NRXN1: variants seen among roughly 807,000 people sequenced by gnomAD.
NRXN1 encodes neurexin-1.
Under a neutral mutation model 150.9 loss-of-function variants are expected in NRXN1, and 39 were observed. That is an observed-to-expected ratio of 0.26 (90% CI 0.20 to 0.34). The LOEUF is 0.34. Ranked by LOEUF, NRXN1 falls within the 10% of genes least tolerant of loss-of-function variation. The pLI is 1.00. For synonymous variants in NRXN1, 924 were observed against 757.0 expected (o/e 1.22, Z -3.62); for missense variants, 1,815 against 1,949.9 (o/e 0.93, Z 1.30).
chr2:50,070,702 G>T (rs1032953720), intron 19 of NRXN1, among the ~76,000 whole-genome samples: 1 of 149,742 alleles, frequency 6.7e-6, no homozygotes, highest in East Asian at 2.0e-4. Context: ...CCCGGGAGGC[G>T]GAGCTTGCAG....
intron 2 of NRXN1, among the ~76,000 whole-genome samples, chr2:50,981,168 C>CAATATT (rs1696724824): frequency 6.6e-6 from 1 of 151,888 alleles, no homozygotes; most frequent in African/African-American, 2.4e-5. Flanking sequence ...TTATAAGAAA[C>CAATATT]ATAACTGTCT....
intron 5 of NRXN1, among the ~76,000 whole-genome samples, chr2:50,897,960 G>T (rs1033755631): frequency 5.3e-5 from 8 of 152,152 alleles, no homozygotes; most frequent in African/African-American, 1.9e-4. Flanking sequence ...TGATCAGAAT[G>T]GATTGAATAA....
At chr2:49,928,189 C>G (rs986322270) in intron 22 of NRXN1, among the ~76,000 whole-genome samples, 11 of 151,140 alleles carry the variant, frequency 7.3e-5, no homozygotes, top group Admixed American at 2.6e-4. Flanking sequence ...GATCATTAAA[C>G]TCCATAATGC....
At chr2:50,564,335 G>C (rs1669541817) in intron 8 of NRXN1, among the ~76,000 whole-genome samples, 1 of 152,096 alleles carries the variant, frequency 6.6e-6, no homozygotes. Context: ...ATGGGTAAGA[G>C]GGGAGTGTTC....
chr2:50,522,287 T>A (rs2092809670), intron 12 of NRXN1, among the ~76,000 whole-genome samples: 1 of 152,200 alleles, frequency 6.6e-6, no homozygotes, highest in South Asian at 2.1e-4. Context: ...TCTAAAACTT[T>A]CTTGGATTTT....
intron 18 of NRXN1, among the ~76,000 whole-genome samples, chr2:50,115,649 G>GA (rs555292769): frequency 1.3e-5 from 2 of 151,380 alleles, no homozygotes; most frequent in Non-Finnish European, 3.0e-5. Context: ...CTTGGGAAAA[G>GA]AAAAAAAATA....
chr2:50,655,374 G>A (rs1686273826), intron 5 of NRXN1, among the ~76,000 whole-genome samples: 1 of 151,846 alleles, frequency 6.6e-6, no homozygotes, highest in South Asian at 2.1e-4. Context: ...ATTGCTTCTG[G>A]AACCCAGATT....
At chr2:50,166,842 C>T (rs974936664) in intron 18 of NRXN1, among the ~76,000 whole-genome samples, 15 of 151,948 alleles carry the variant, frequency 9.9e-5, no homozygotes, top group Non-Finnish European at 1.5e-4. Context: ...AGGCTAATCA[C>T]AACTAGGATT....
intron 21 of NRXN1, among the ~76,000 whole-genome samples, chr2:49,960,667 C>A (rs1369857177): frequency 6.6e-6 from 1 of 152,150 alleles, no homozygotes; most frequent in African/African-American, 2.4e-5. Context: ...AGTGAAAGCA[C>A]ACAATCCAGT....
At chr2:50,719,711 A>C (rs1274045345) in intron 5 of NRXN1, among the ~76,000 whole-genome samples, 4 of 152,088 alleles carry the variant, frequency 2.6e-5, no homozygotes, top group African/African-American at 7.2e-5. Context: ...CAATAACAAC[A>C]ATCATTTTTC....
At chr2:50,345,519 A>C (rs1260438847) in intron 17 of NRXN1, among the ~76,000 whole-genome samples, 1 of 152,236 alleles carries the variant, frequency 6.6e-6, no homozygotes, top group African/African-American at 2.4e-5. Flanking sequence ...AGTGCCCACA[A>C]CTTTCACTCT....
At chr2:50,497,898 C>T (rs1216768954) in intron 13 of NRXN1, among the ~76,000 whole-genome samples, 184 bp from the exon 14 acceptor site, 1 of 152,128 alleles carries the variant, frequency 6.6e-6, no homozygotes, top group Non-Finnish European at 1.5e-5. Context: ...ATAAAACATT[C>T]TTAGGCCAGG....
chr2:50,854,170 CT>C (rs1236404617), intron 5 of NRXN1, among the ~76,000 whole-genome samples: 1 of 151,948 alleles, frequency 6.6e-6, no homozygotes, highest in African/African-American at 2.4e-5. Context: ...ACTTTGAGAC[CT>C]GGGAGCTTAT....
chr2:50,412,021 C>A (rs1253431763), intron 17 of NRXN1, among the ~76,000 whole-genome samples: 2 of 152,078 alleles, frequency 1.3e-5, no homozygotes, highest in South Asian at 2.1e-4. Context: ...TACCCCCAAC[C>A]CCCTGCTCTC....
chr2:50,135,319 C>T (rs1271298369), intron 18 of NRXN1, among the ~76,000 whole-genome samples: 10 of 152,242 alleles, frequency 6.6e-5, no homozygotes, highest in Admixed American at 2.6e-4. Context: ...GGAGAATAGA[C>T]GAAAGGTTTT....
intron 17 of NRXN1, among the ~76,000 whole-genome samples, chr2:50,290,954 C>T (rs2072846980): frequency 6.6e-6 from 1 of 152,056 alleles, no homozygotes; most frequent in African/African-American, 2.4e-5. Context: ...GCCTATTTGC[C>T]TGCAGTTGAG....
intron 5 of NRXN1, among the ~76,000 whole-genome samples, chr2:50,693,855 A>G (rs1476692417): frequency 6.6e-6 from 1 of 152,172 alleles, no homozygotes; most frequent in Non-Finnish European, 1.5e-5. Context: ...GCAGTGGTGC[A>G]ACCGTAGCTT....
chr2:50,092,190 G>T (rs116748071), intron 18 of NRXN1, among the ~76,000 whole-genome samples: 1 of 152,096 alleles, frequency 6.6e-6, no homozygotes, highest in African/African-American at 2.4e-5. Flanking sequence ...CAAAGATACC[G>T]TTATCCAAAA....
At chr2:50,828,921 C>G (rs1670956255) in intron 5 of NRXN1, among the ~76,000 whole-genome samples, 1 of 152,356 alleles carries the variant, frequency 6.6e-6, no homozygotes, top group Non-Finnish European at 1.5e-5. Flanking sequence ...CACGCCACTG[C>G]ACTCCAGCCT....
Sources: allele counts gnomAD v4.1 joint callset (sites outside exome capture counted in the v4.1 genomes callset), GRCh38; gene constraint gnomAD v4.1.1; transcripts MANE v1.5; gene names NCBI Gene and HGNC (gene_info 2026-07-23, HGNC 2026-07-21).